The following METTL9 variants were observed in gnomAD, a reference collection of about 807,000 sequenced individuals.
METTL9 encodes methyltransferase 9, His-X-His N1(pi)-histidine, also known as protein-L-histidine N-pros-methyltransferase.
METTL9 carries 10 observed loss-of-function variants against 36.0 expected under a neutral mutation model. The observed-to-expected ratio is 0.28, with a 90% CI of 0.17 to 0.47. The LOEUF is 0.47. METTL9 is among the 20% of genes least tolerant of loss of function. METTL9 has a pLI of 0.99. For synonymous variants in METTL9, 175 were observed against 149.7 expected (o/e 1.17, Z -1.23); for missense variants, 246 against 383.5 (o/e 0.64, Z 3.00).
chr16:21,610,308 C>G (rs1965397683), intron 1 of METTL9, among the ~76,000 whole-genome samples: 1 of 152,242 alleles, frequency 6.6e-6, no homozygotes, highest in South Asian at 2.1e-4. Flanking sequence ...TTCATCCATG[C>G]TGGAGCATGA....
intron 4 of METTL9, chr16:21,644,219 GAT>G (rs1469213242): frequency 9.0e-6 from 10 of 1,115,824 alleles, no homozygotes; most frequent in Non-Finnish European, 1.2e-5. Flanking sequence ...CTTGTGGAGA[GAT>G]AGAAATTATT....
At chr16:21,637,584 C>T (rs1027540260) in intron 4 of METTL9, among the ~76,000 whole-genome samples, 26 of 152,260 alleles carry the variant, frequency 1.7e-4, no homozygotes, top group African/African-American at 5.1e-4. Flanking sequence ...TGGCACCTAG[C>T]CTGGGCACTC....
Position 21,599,740 on chromosome 16 carries a change from CT to C in METTL9, c.8del (p.Leu3ArgfsTer8). 6.6e-7 allele frequency: 1 copy of C among 1,520,248 alleles called. No homozygotes were observed. Among genetic ancestry groups the C allele is most frequent in the Non-Finnish European group, 8.8e-7 (1 of 1,142,384 alleles). The allele number at this position is 1,520,248 out of a possible 1,614,324, so 94.2% of individuals were successfully genotyped here. MRLLAGWLCLSLA... is the reference protein window; with the variant it reads MRXLAGWLCLSLA... ...CGAGCGGCCGCGGCCCCCGATGAGACTGCTGGCGGGCTGGCTGTGCCTGAGC... is the reference window on the plus strand; with the variant it reads ...CGAGCGGCCGCGGCCCCCGATGAGACGCTGGCGGGCTGGCTGTGCCTGAGC... On this transcript the variant is annotated frameshift_variant, in exon 1 of 5. Transcript: ENST00000358154. LOFTEE classifies it high-confidence loss of function. This position sits in a 1 kb window ranked among gnomAD's most constrained non-coding sequence, Gnocchi z 4.4.
At chr16:21,634,233 C>G (rs1044428426) in intron 4 of METTL9, among the ~76,000 whole-genome samples, 4 of 152,128 alleles carry the variant, frequency 2.6e-5, no homozygotes, top group Non-Finnish European at 5.9e-5. Flanking sequence ...GAAGTCAATC[C>G]TGGCACTCAA....
intron 4 of METTL9, among the ~76,000 whole-genome samples, chr16:21,642,877 G>C (rs1315327792): frequency 2.0e-5 from 3 of 152,118 alleles, no homozygotes; most frequent in Non-Finnish European, 4.4e-5. Context: ...CCAGCCTGGG[G>C]CTATTTAATA....
chr16:21,650,461 T>C (rs898898246), intron 4 of METTL9, among the ~76,000 whole-genome samples: 1 of 148,588 alleles, frequency 6.7e-6, no homozygotes, highest in African/African-American at 2.5e-5. Flanking sequence ...TGAGCTGAGA[T>C]TGTGCCACTG....
rs778571289 is a variant in METTL9, at chr16:21,647,312, C to T, written c.752-7915C>T. 6 of 1,614,162 alleles carry T rather than the reference C, an allele frequency of 3.7e-6. No homozygotes were observed. In the South Asian group the frequency reaches 4.4e-5, roughly 12 times the overall value. On this transcript the variant is annotated intron_variant, in intron 4 of 4. Coordinates refer to ENST00000358154, the MANE Select transcript of METTL9 (RefSeq NM_016025.5). Reference sequence around the variant, plus strand: ...TGTGAACTTGTCTGCCTCACTTTTGCACCCGTCCAAGCACAGGTTCTCAGG... The same window carrying T: ...TGTGAACTTGTCTGCCTCACTTTTGTACCCGTCCAAGCACAGGTTCTCAGG...
intron 1 of METTL9, among the ~76,000 whole-genome samples, chr16:21,600,428 T>C (rs893928513): frequency 3.3e-5 from 5 of 151,982 alleles, no homozygotes; most frequent in Admixed American, 2.6e-4. Flanking sequence ...CTGATTGGGG[T>C]GACATTTCTC....
intron 1 of METTL9, among the ~76,000 whole-genome samples, chr16:21,607,215 T>G (rs1331768884): frequency 6.6e-6 from 1 of 152,036 alleles, no homozygotes; most frequent in African/African-American, 2.4e-5. Context: ...GCTGGAATTA[T>G]AGGTTCCTGC....
intron 4 of METTL9, chr16:21,652,253 TTATACC>T (rs1443579285): frequency 3.4e-6 from 1 of 290,214 alleles, no homozygotes; most frequent in African/African-American, 2.2e-5. Context: ...TATTGATAAC[TTATACC>T]TACGATTTTA....
chr16:21,617,930 A>C lies in METTL9; in HGVS notation c.422A>C (p.Asn141Thr). Residue 141 changes from asparagine (N) to threonine (T), a missense_variant, in exon 3 of 5, where the codon AAT (asparagine) becomes ACT (threonine). Transcript: ENST00000358154. ...PDQFQRLLKI[N>T]PDWKTHRLLD... The stretch of plus-strand genomic sequence containing the variant: ...CAGTTTCAGAGACTGCTTAAAATTA[A>C]TCCAGACTGGAAAACCCACAGACTT... 4.3e-6 allele frequency: 7 copies of C among 1,614,056 alleles called. No homozygotes were observed. The highest frequency in any genetic ancestry group is 5.9e-6 in the Non-Finnish European group (7 of 1,180,004).
chr16:21,647,182 C>G, intron 4 of METTL9: 1 of 1,614,126 alleles, frequency 6.2e-7, no homozygotes, highest in Non-Finnish European at 8.5e-7. Context: ...CTCTCGCTTC[C>G]GGCACACTGG....
At chr16:21,653,945 A>G (rs1187120736) in intron 4 of METTL9, 1 of 151,748 alleles carries the variant, frequency 6.6e-6, no homozygotes, top group East Asian at 1.9e-4. Context: ...AAATTATGAA[A>G]AATCTCCCCA....
At chr16:21,654,234 A>T (rs1414450661) in intron 4 of METTL9, 5 of 150,886 alleles carry the variant, frequency 3.3e-5, no homozygotes, top group Admixed American at 3.3e-4. Context: ...TTTAGTAGAG[A>T]CGGGGTTTCA....
At chr16:21,606,172 T>A (rs1397783102) in intron 1 of METTL9, among the ~76,000 whole-genome samples, 1 of 151,792 alleles carries the variant, frequency 6.6e-6, no homozygotes, top group African/African-American at 2.4e-5. Flanking sequence ...TGGTCTCTAC[T>A]AAAAATACAA....
intron 4 of METTL9, among the ~76,000 whole-genome samples, chr16:21,645,674 T>C (rs1348453848): frequency 6.6e-6 from 1 of 152,232 alleles, no homozygotes; most frequent in African/African-American, 2.4e-5. Flanking sequence ...TCACTTTATA[T>C]AAGCCTTGCA....
chr16:21,602,149 T>A (rs1010557959), intron 1 of METTL9, among the ~76,000 whole-genome samples: 2 of 152,138 alleles, frequency 1.3e-5, no homozygotes, highest in African/African-American at 4.8e-5. Flanking sequence ...TTCAGTTGGG[T>A]GTGTGAGTTC....
Position 21,633,371 on chromosome 16 carries a change from A to T in METTL9, c.751+8256A>T, listed in dbSNP as rs552921657. 1.2e-3 allele frequency among the ~76,000 whole-genome samples: 182 copies of T among 152,280 alleles called. 1 individual carries two copies. The highest frequency in any genetic ancestry group is 5.0e-3 in the Admixed American group (77 of 15,290). The stretch of plus-strand genomic sequence containing the variant: ...CTGGTAGCCAAAAGTAAATCATCCA[A>T]ATACTGAAGGATCAGAGTGTCTGGA... On this transcript the variant is annotated intron_variant, in intron 4 of 4. Transcript: ENST00000358154.
At chr16:21,627,747 G>A (rs1368432058) in intron 4 of METTL9, among the ~76,000 whole-genome samples, 2 of 152,108 alleles carry the variant, frequency 1.3e-5, no homozygotes, top group African/African-American at 4.8e-5. Context: ...AGGAGATCGA[G>A]ACCATCCTGA....
Sources: allele counts gnomAD v4.1 joint callset (sites outside exome capture counted in the v4.1 genomes callset), GRCh38; gene constraint gnomAD v4.1.1; non-coding constraint Gnocchi (gnomAD v3.1); transcripts MANE v1.5; gene names NCBI Gene and HGNC (gene_info 2026-07-23, HGNC 2026-07-21).